ARID1B: variants seen among roughly 807,000 people sequenced by gnomAD.
The protein encoded by ARID1B is AT-rich interactive domain-containing protein 1B.
ARID1B carries 30 observed loss-of-function variants against 212.3 expected under a neutral mutation model. That is an observed-to-expected ratio of 0.14 (90% CI 0.11 to 0.19). ARID1B has a LOEUF of 0.19. Ranked by LOEUF, ARID1B falls within the 10% of genes least tolerant of loss-of-function variation. The probability of loss-of-function intolerance (pLI) is 1.00; values close to 1 mark genes in which losing one functional copy is unlikely to be tolerated. For missense variants in ARID1B, 2,891 were observed against 3,204.0 expected (o/e 0.90, Z 2.36); for synonymous variants, 1,402 against 1,301.7 (o/e 1.08, Z -1.66).
intron 4 of ARID1B, among the ~76,000 whole-genome samples, chr6:157,077,268 T>C (rs1300781075): frequency 2.6e-5 from 4 of 152,232 alleles, no homozygotes. Flanking sequence ...GCAATTTTAA[T>C]TGTGTTTAAA....
chr6:156,802,680 G>A (rs1228160384), intron 1 of ARID1B, among the ~76,000 whole-genome samples: 1 of 152,148 alleles, frequency 6.6e-6, no homozygotes, highest in Non-Finnish European at 1.5e-5. Context: ...TCTAATGTAG[G>A]TCATTGAATG....
At chr6:157,040,198 A>G (rs1781787537) in intron 4 of ARID1B, among the ~76,000 whole-genome samples, 1 of 152,198 alleles carries the variant, frequency 6.6e-6, no homozygotes, top group African/African-American at 2.4e-5. Flanking sequence ...TCGGCCTCCC[A>G]AAGTGCTGGG....
intron 4 of ARID1B, among the ~76,000 whole-genome samples, chr6:157,045,948 G>T (rs1226900825): frequency 6.6e-6 from 1 of 152,078 alleles, no homozygotes; most frequent in Non-Finnish European, 1.5e-5. Flanking sequence ...GGACCTCAAG[G>T]ATCTCAAGTT....
At chr6:157,033,636 G>T (rs1489105799) in intron 4 of ARID1B, among the ~76,000 whole-genome samples, 1 of 152,190 alleles carries the variant, frequency 6.6e-6, no homozygotes, top group Admixed American at 6.5e-5. Context: ...GAGGTGGGCC[G>T]TAGGGTAATT....
intron 2 of ARID1B, among the ~76,000 whole-genome samples, chr6:156,875,016 A>C (rs1786431198): frequency 6.6e-6 from 1 of 152,200 alleles, no homozygotes; most frequent in African/African-American, 2.4e-5. Context: ...ATTTGACTTT[A>C]GTTAACATAT....
At chr6:157,048,379 A>G (rs1782379330) in intron 4 of ARID1B, among the ~76,000 whole-genome samples, 2 of 152,238 alleles carry the variant, frequency 1.3e-5, no homozygotes, top group South Asian at 2.1e-4. Context: ...CCATTTTACA[A>G]CCGAAGTAAT....
In ARID1B at chr6:157,198,879, A is replaced by C. The variant is rs2128366479; in HGVS notation, c.4451A>C (p.His1484Pro). The change falls in exon 17 of 20, where the codon CAC becomes CCC. Residue 1484 changes from histidine (H) to proline (P), a missense_variant. His to Pro is a moderately conservative substitution (Grantham distance 77). This residue lies in a region of ARID1B where 666 missense variants were observed against 873.5 expected (regional missense o/e 0.76). Coordinates refer to ENST00000636930, the MANE Select transcript of ARID1B (RefSeq NM_001374828.1). The part of the protein sequence containing the change: ...PPSGQPPYGG[H>P]QPGLYPQQPN... ...TCGGGACAGCCGCCGTATGGAGGGC[A>C]CCAGCCCGGCCTGTACCCACAGCAG... The C allele has an allele frequency of 6.2e-7, 1 of 1,608,184 alleles. No individual in the cohort carries two copies. Among genetic ancestry groups the C allele is most frequent in the Non-Finnish European group, 8.5e-7 (1 of 1,177,586 alleles).
chr6:157,041,534 T>G (rs1201732003), intron 4 of ARID1B, among the ~76,000 whole-genome samples: 1 of 152,218 alleles, frequency 6.6e-6, no homozygotes, highest in African/African-American at 2.4e-5. Flanking sequence ...TTCATGACTG[T>G]GAATGTTCTT....
intron 4 of ARID1B, among the ~76,000 whole-genome samples, chr6:156,954,809 C>A (rs1793841888): frequency 1.3e-5 from 2 of 152,182 alleles, no homozygotes; most frequent in African/African-American, 4.8e-5. Flanking sequence ...TTAATAGTTA[C>A]TTTAACTATT....
At chr6:156,974,039 C>T (rs1236762051) in intron 4 of ARID1B, among the ~76,000 whole-genome samples, 11 of 152,114 alleles carry the variant, frequency 7.2e-5, no homozygotes, top group African/African-American at 1.9e-4. Context: ...TCATTCAGGT[C>T]TGACAATGCC....
At chr6:156,878,305 G>C (rs531395889) in intron 2 of ARID1B, among the ~76,000 whole-genome samples, 76 of 152,134 alleles carry the variant, frequency 5.0e-4, no homozygotes, top group Non-Finnish European at 9.6e-4. Context: ...GAATTGACAG[G>C]CTGTTGGGAA....
At position 157,195,956 on chromosome 6, in the gene ARID1B, G is replaced by A. The variant is rs929935050; in HGVS notation, c.4232-209G>A. ...GATGCCTGTAATCTCAGCTACTTGG[G>A]AGGGTGACGCAGGAGAATCGCCTGA... On this transcript the variant is annotated intron_variant, in intron 15 of 19. Transcript: ENST00000636930. 3 of 490,648 alleles carry A rather than the reference G, an allele frequency of 6.1e-6. No individual in the cohort carries two copies. The South Asian group carries it at 7.5e-5, about 12-fold the overall frequency. 30.4% of individuals were successfully genotyped at this position (490,648 alleles called of 1,614,324 possible).
chr6:157,014,774 G>A (rs1779810977), intron 4 of ARID1B, among the ~76,000 whole-genome samples: 1 of 151,930 alleles, frequency 6.6e-6, no homozygotes, highest in Non-Finnish European at 1.5e-5. Flanking sequence ...CTTTAGATTG[G>A]CATCTAGAGC....
chr6:157,147,815 G>A (rs1441953153), intron 7 of ARID1B, among the ~76,000 whole-genome samples: 10 of 50,864 alleles, frequency 2.0e-4, no homozygotes, highest in African/African-American at 9.8e-4. Flanking sequence ...CTCCGGCCCT[G>A]CCCGCCGTCC....
chr6:156,997,815 T>A (rs1053744189), intron 4 of ARID1B, among the ~76,000 whole-genome samples: 1 of 152,208 alleles, frequency 6.6e-6, no homozygotes, highest in Non-Finnish European at 1.5e-5. Context: ...AAACTCTGTA[T>A]ACATATATTA....
chr6:156,930,288 T>G (rs915682962), intron 3 of ARID1B, among the ~76,000 whole-genome samples: 13 of 152,132 alleles, frequency 8.5e-5, no homozygotes, highest in African/African-American at 3.1e-4. Context: ...GAGACCTGGT[T>G]GTTTAAAAGT....
At chr6:157,127,917 G>T (rs1788252151) in intron 6 of ARID1B, among the ~76,000 whole-genome samples, 1 of 148,518 alleles carries the variant, frequency 6.7e-6, no homozygotes, top group African/African-American at 2.5e-5. Flanking sequence ...AGCCAAGAGT[G>T]CTCCACTGCA....
Position 157,201,131 on chromosome 6 carries a change from CCTT to C in ARID1B, c.4909_4911del (p.Ser1637del), listed in dbSNP as rs779460018. On this transcript the variant is annotated inframe_deletion, in exon 18 of 20. Transcript: ENST00000636930. The surrounding 1 kb of genome is among the most constrained non-coding windows in gnomAD (Gnocchi z 5.2). ...GAGGATAAATCATGAGAGCCAGTGG[CCTT>C]CTCACGTCAGCCAGCGTCAGCCTTA... The C allele has an allele frequency of 4.3e-6, 7 of 1,614,076 alleles. No individual in the cohort carries two copies. The highest frequency in any genetic ancestry group is 1.6e-4 in the Middle Eastern group (1 of 6,084).
intron 2 of ARID1B, among the ~76,000 whole-genome samples, chr6:156,868,034 A>G (rs774240958): frequency 6.6e-6 from 1 of 152,144 alleles, no homozygotes; most frequent in Admixed American, 6.5e-5. Context: ...GGATTGATGG[A>G]TGGGTCATTT....
Sources: allele counts gnomAD v4.1 joint callset (sites outside exome capture counted in the v4.1 genomes callset), GRCh38; gene constraint gnomAD v4.1.1; regional missense constraint gnomAD v4.1.1; non-coding constraint Gnocchi (gnomAD v3.1); transcripts MANE v1.5; gene names NCBI Gene and HGNC (gene_info 2026-07-23, HGNC 2026-07-21).